Variants in MTMR8 observed in about 807,000 individuals in gnomAD.
The protein encoded by MTMR8 is myotubularin related protein 8, also known as phosphatidylinositol-3,5-bisphosphate 3-phosphatase MTMR8.
A neutral mutation model predicts 39.3 loss-of-function variants in MTMR8; 65 were observed. That is an observed-to-expected ratio of 1.65 (90% CI 1.35 to 2.03). The LOEUF is 2.03. MTMR8 is among the 30% of genes most tolerant of loss of function. The probability of loss-of-function intolerance (pLI) is 0.00; values close to 1 mark genes in which losing one functional copy is unlikely to be tolerated. For synonymous variants in MTMR8, 245 were observed against 185.2 expected, an observed-to-expected ratio of 1.32 and a Z score of -2.62; for missense variants, 777 against 538.9, an observed-to-expected ratio of 1.44 and a Z score of -4.37.
intron 12 of MTMR8, among the ~76,000 whole-genome samples, chrX:64,301,456 G>A (rs1465122419): frequency 1.9e-5 from 2 of 104,789 alleles, no homozygotes; most frequent in African/African-American, 7.0e-5. Context: ...CTCTGTATTG[G>A]TTATTCTAGT....
chrX:64,303,579 A>G, intron 12 of MTMR8, among the ~76,000 whole-genome samples: 1 of 112,485 alleles, frequency 8.9e-6, no homozygotes, highest in Middle Eastern at 4.6e-3. Flanking sequence ...GGGAAGGCAC[A>G]TGATTTCCTA....
intron 1 of MTMR8, among the ~76,000 whole-genome samples, chrX:64,363,066 A>G (rs1302966865): frequency 8.9e-6 from 1 of 111,939 alleles, no homozygotes; most frequent in African/African-American, 3.2e-5. Context: ...CTAGACAGCT[A>G]GAAGATGCCA....
intron 1 of MTMR8, among the ~76,000 whole-genome samples, chrX:64,377,385 A>G (rs1924298483): frequency 8.9e-6 from 1 of 112,451 alleles, no homozygotes; most frequent in Admixed American, 9.4e-5. Context: ...AGAGGGCTGT[A>G]CCCTGCAGAG....
chrX:64,376,672 G>T (rs1924277480), intron 1 of MTMR8, among the ~76,000 whole-genome samples: 1 of 112,661 alleles, frequency 8.9e-6, no homozygotes, highest in Admixed American at 9.4e-5. Context: ...CAGCATAAAA[G>T]TTTAGAAAAC....
chrX:64,359,365 A>G (rs771046177), intron 2 of MTMR8, 40 bp downstream of exon 2: 26 of 1,161,456 alleles, frequency 2.2e-5, no homozygotes, highest in Non-Finnish European at 2.9e-5. Flanking sequence ...TGTATGCACA[A>G]CTCTTTAAGA....
intron 1 of MTMR8, among the ~76,000 whole-genome samples, chrX:64,368,341 C>G (rs1306134007): frequency 9.0e-6 from 1 of 111,532 alleles, no homozygotes; most frequent in Non-Finnish European, 1.9e-5. Context: ...AGGGGTCACA[C>G]TACCTGACTT....
chrX:64,307,672 T>C (rs1309892151), intron 12 of MTMR8, among the ~76,000 whole-genome samples: 1 of 111,724 alleles, frequency 9.0e-6, no homozygotes, highest in Admixed American at 9.5e-5. Flanking sequence ...GTCTTAGCTA[T>C]TCTACCTCCG....
At chrX:64,365,662 A>C (rs944348513) in intron 1 of MTMR8, among the ~76,000 whole-genome samples, 1 of 111,974 alleles carries the variant, frequency 8.9e-6, no homozygotes, top group Non-Finnish European at 1.9e-5. Context: ...AAACAGGCTA[A>C]ATTGTAAAGA....
chrX:64,359,310 T>TA, intron 2 of MTMR8, 95 bp downstream of exon 2: 1 of 937,015 alleles, frequency 1.1e-6, no homozygotes, highest in Non-Finnish European at 1.4e-6. Flanking sequence ...TACAGCAATT[T>TA]AAAAATTACA....
chrX:64,283,135 G>A (rs1042482573), intron 12 of MTMR8, among the ~76,000 whole-genome samples: 21 of 112,081 alleles, frequency 1.9e-4, no homozygotes, highest in Middle Eastern at 4.6e-3. Flanking sequence ...CTAATACTGC[G>A]CTTTTCCAAT....
intron 12 of MTMR8, among the ~76,000 whole-genome samples, chrX:64,281,142 C>T (rs1932001641): frequency 9.0e-6 from 1 of 111,372 alleles, no homozygotes; most frequent in Non-Finnish European, 1.9e-5. Context: ...TTTAGAGATT[C>T]AATGCTCTTC....
chrX:64,290,770 C>T (rs1334184994), intron 12 of MTMR8, among the ~76,000 whole-genome samples: 4 of 112,160 alleles, frequency 3.6e-5, no homozygotes, highest in African/African-American at 9.7e-5. Context: ...ATATTCTCTG[C>T]AAGGTGTTGC....
chrX:64,349,272 C>T (rs921061558), intron 5 of MTMR8, among the ~76,000 whole-genome samples: 1 of 111,473 alleles, frequency 9.0e-6, no homozygotes, highest in Non-Finnish European at 1.9e-5. Context: ...GCCACTTTAA[C>T]ACAAAAACAA....
In MTMR8 at chrX:64,348,797, G is replaced by T; in HGVS notation, c.598-3C>A. Reference sequence around the variant, plus strand: ...TGGCTACAGCGGCAAATGGCAGCCTGTAAGGAAAAGGTGTGTCAGTTGAGT... The same window carrying T: ...TGGCTACAGCGGCAAATGGCAGCCTTTAAGGAAAAGGTGTGTCAGTTGAGT... On this transcript the variant is annotated splice_region_variant and splice_polypyrimidine_tract_variant and intron_variant, in intron 5 of 13. Transcript: ENST00000374852. 1 of 1,209,853 alleles carries T rather than the reference G, an allele frequency of 8.3e-7. No homozygotes were observed. The highest frequency in any genetic ancestry group is 1.1e-6 in the Non-Finnish European group (1 of 894,255).
At chrX:64,365,749 C>T (rs1423264050) in intron 1 of MTMR8, among the ~76,000 whole-genome samples, 1 of 111,606 alleles carries the variant, frequency 9.0e-6, no homozygotes, top group Non-Finnish European at 1.9e-5. Context: ...GGATCAAATT[C>T]ACACATAACA....
At chrX:64,374,307 C>T (rs1355709877) in intron 1 of MTMR8, among the ~76,000 whole-genome samples, 2 of 111,827 alleles carry the variant, frequency 1.8e-5, no homozygotes, top group African/African-American at 6.5e-5. Context: ...CAAAGGTATT[C>T]TTTCTTTAAT....
chrX:64,353,300 A>G (rs764421042), intron 4 of MTMR8, among the ~76,000 whole-genome samples: 1 of 112,404 alleles, frequency 8.9e-6, no homozygotes, highest in South Asian at 3.7e-4. Context: ...AACAAAGTGA[A>G]AAGACAACCC....
intron 12 of MTMR8, among the ~76,000 whole-genome samples, chrX:64,312,210 G>C (rs1242210538): frequency 9.0e-6 from 1 of 111,331 alleles, no homozygotes; most frequent in Non-Finnish European, 1.9e-5. Context: ...TCTTGAAGAG[G>C]TCCTTCACAT....
At chrX:64,334,554 C>T (rs1185960106) in intron 10 of MTMR8, among the ~76,000 whole-genome samples, 1 of 96,041 alleles carries the variant, frequency 1.0e-5, no homozygotes, top group Admixed American at 1.2e-4. Flanking sequence ...ACACAAAACA[C>T]TCAAATCTTT....
Sources: allele counts gnomAD v4.1 joint callset (sites outside exome capture counted in the v4.1 genomes callset), GRCh38; gene constraint gnomAD v4.1.1; transcripts MANE v1.5; gene names NCBI Gene and HGNC (gene_info 2026-07-23, HGNC 2026-07-21).